Variants in KDM4B observed in about 807,000 individuals in gnomAD.
KDM4B encodes lysine demethylase 4B.
A neutral mutation model predicts 125.2 loss-of-function variants in KDM4B; 32 were observed. The observed-to-expected ratio is 0.26, with a 90% CI of 0.19 to 0.34. The LOEUF (loss-of-function observed/expected upper bound fraction) is 0.34, where lower values mean the gene tolerates loss of function less well. KDM4B is among the 10% of genes least tolerant of loss of function. The pLI is 1.00. For synonymous variants in KDM4B, 721 were observed against 677.9 expected, an observed-to-expected ratio of 1.06 and a Z score of -0.99; for missense variants, 1,190 against 1,577.7, an observed-to-expected ratio of 0.75 and a Z score of 4.16.
chr19:5,148,150 C>T (rs1038267659), intron 21 of KDM4B, among the ~76,000 whole-genome samples: 19 of 152,224 alleles, frequency 1.2e-4, no homozygotes, highest in African/African-American at 3.6e-4. Flanking sequence ...ACAGGGAGCC[C>T]GGGCCGAGGC....
chr19:5,110,188 A>G (rs1009195524), intron 9 of KDM4B, among the ~76,000 whole-genome samples: 14 of 152,240 alleles, frequency 9.2e-5, no homozygotes, highest in African/African-American at 2.9e-4. Flanking sequence ...TTCTAGAAAC[A>G]GAGCAGGAGT....
intron 18 of KDM4B, among the ~76,000 whole-genome samples, chr19:5,143,273 T>C (rs984047064): frequency 5.3e-5 from 8 of 151,088 alleles, no homozygotes; most frequent in Non-Finnish European, 1.2e-4. Context: ...CAGTGAGCTA[T>C]GATCGCGCCG....
chr19:5,144,078 G>A lies in KDM4B; in HGVS notation c.2662G>A (p.Val888Met). Residue 888 changes from valine to methionine, a missense_variant, in exon 19 of 23, where the codon GTG becomes ATG. Physicochemically the swap from Val to Met is conservative, Grantham distance 21. Transcript: ENST00000159111. The stretch of plus-strand genomic sequence containing the variant: ...CGTGACCTGCGCCCACGCCGCAGGC[G>A]TGCTCATGGAGCCGGACGACTGGCC... The part of the protein sequence containing the change: ...FHVTCAHAAG[V>M]LMEPDDWPYV... 1 of 1,605,854 alleles carries A rather than the reference G, an allele frequency of 6.2e-7. No individual in the cohort carries two copies. The highest frequency in any genetic ancestry group is 8.5e-7 in the Non-Finnish European group (1 of 1,174,048).
chr19:5,103,111 T>TGCCA (rs2038969265), intron 9 of KDM4B, among the ~76,000 whole-genome samples: 2 of 152,248 alleles, frequency 1.3e-5, no homozygotes, highest in South Asian at 4.1e-4. Flanking sequence ...AAGGCACTGC[T>TGCCA]GCCAGTGGGG....
chr19:5,070,078 G>A (rs531869284), intron 6 of KDM4B, among the ~76,000 whole-genome samples: 5 of 152,314 alleles, frequency 3.3e-5, no homozygotes, highest in Non-Finnish European at 7.3e-5. Context: ...TAGAACGGGA[G>A]CTGTTGGCCT....
rs532598285 is a variant in KDM4B, at chr19:5,053,545, C to T, written c.626+5876C>T. 3.9e-5 allele frequency among the ~76,000 whole-genome samples: 6 copies of T among 152,314 alleles called. No individual in the cohort carries two copies. The South Asian group carries it at 1.2e-3, about 32-fold the overall frequency. On this transcript the variant is annotated intron_variant, in intron 6 of 22. Coordinates refer to ENST00000159111, the MANE Select transcript of KDM4B (RefSeq NM_015015.3). ...GCTTGCTCAGGGCCCAGGTTCCTGC[C>T]CGCCAAGGCCTCAGCACTTCCTCCC...
intron 3 of KDM4B, among the ~76,000 whole-genome samples, chr19:5,037,802 G>C (rs577770290): frequency 2.6e-5 from 4 of 152,188 alleles, no homozygotes; most frequent in Admixed American, 6.5e-5. Flanking sequence ...GTGTCCCCTG[G>C]GGGACAAGAC....
chr19:4,982,857 T>G (rs2034693348), intron 1 of KDM4B, among the ~76,000 whole-genome samples: 1 of 152,154 alleles, frequency 6.6e-6, no homozygotes, highest in South Asian at 2.1e-4. Context: ...GTGATCTGCC[T>G]GCCTTGGCCT....
At chr19:5,010,703 A>G (rs950262373) in intron 1 of KDM4B, among the ~76,000 whole-genome samples, 1 of 152,216 alleles carries the variant, frequency 6.6e-6, no homozygotes, top group Non-Finnish European at 1.5e-5. Context: ...GCTGGAATGC[A>G]GTGGCGCGAT....
intron 1 of KDM4B, among the ~76,000 whole-genome samples, chr19:4,995,538 C>A (rs996348520): frequency 6.6e-6 from 1 of 152,138 alleles, no homozygotes; most frequent in East Asian, 1.9e-4. Context: ...CTTGGCCTCC[C>A]AAAGTGCTAG....
intron 5 of KDM4B, among the ~76,000 whole-genome samples, chr19:5,042,422 C>T (rs1041442032): frequency 6.6e-6 from 1 of 151,948 alleles, no homozygotes. Flanking sequence ...ATCGCTTGAA[C>T]CCGGGAGGTG....
At chr19:5,147,742 CAAAAAA>C (rs35330966) in intron 21 of KDM4B, among the ~76,000 whole-genome samples, 4 of 80,952 alleles carry the variant, frequency 4.9e-5, no homozygotes, top group East Asian at 7.5e-4. Context: ...AGCCCTGTCT[CAAAAAA>C]AAAAAAAAAA....
intron 11 of KDM4B, among the ~76,000 whole-genome samples, chr19:5,124,455 C>G (rs1348392859): frequency 6.6e-6 from 1 of 152,132 alleles, no homozygotes. Flanking sequence ...GGAGGGGTCA[C>G]AAGGATCCCC....
intron 11 of KDM4B, among the ~76,000 whole-genome samples, chr19:5,129,082 C>T (rs991017009): frequency 1.2e-4 from 19 of 152,184 alleles, no homozygotes; most frequent in Non-Finnish European, 2.1e-4. Flanking sequence ...TATGGCTGCT[C>T]GCCTGTCCTT....
chr19:5,138,230 C>T (rs770284107), intron 18 of KDM4B, 160 bp downstream of exon 18: 8 of 601,356 alleles, frequency 1.3e-5, no homozygotes, highest in Non-Finnish European at 2.1e-5. Flanking sequence ...CCGACTTCAG[C>T]AGGTGTGTTA....
chr19:5,047,314 G>A (rs1420612320), intron 5 of KDM4B, among the ~76,000 whole-genome samples, 162 bp from the exon 6 acceptor site: 1 of 152,060 alleles, frequency 6.6e-6, no homozygotes, highest in East Asian at 1.9e-4. Context: ...ACCAGCCCCT[G>A]GTCTGCAGGG....
At chr19:4,977,849 C>T (rs965820852) in intron 1 of KDM4B, among the ~76,000 whole-genome samples, 4 of 152,148 alleles carry the variant, frequency 2.6e-5, no homozygotes, top group African/African-American at 7.2e-5. Context: ...CACTCTGGCT[C>T]GGTGCCCTGA....
At chr19:5,077,136 C>T (rs1172788793) in intron 7 of KDM4B, 4 of 572,436 alleles carry the variant, frequency 7.0e-6, no homozygotes, top group Non-Finnish European at 1.3e-5. Flanking sequence ...CACTGTCTGC[C>T]ACCTGCAGAG....
intron 2 of KDM4B, among the ~76,000 whole-genome samples, chr19:5,031,512 C>A (rs548785020): frequency 1.3e-5 from 2 of 152,254 alleles, no homozygotes; most frequent in Non-Finnish European, 2.9e-5. Flanking sequence ...CCTCAGCCCA[C>A]GTGGGCTTGG....
Sources: allele counts gnomAD v4.1 joint callset (sites outside exome capture counted in the v4.1 genomes callset), GRCh38; gene constraint gnomAD v4.1.1; transcripts MANE v1.5; gene names NCBI Gene and HGNC (gene_info 2026-07-23, HGNC 2026-07-21).